The following CFAP91 variants were observed in gnomAD, a reference collection of about 807,000 sequenced individuals.
The protein encoded by CFAP91 is cilia- and flagella-associated protein 91.
A neutral mutation model predicts 95.9 loss-of-function variants in CFAP91; 85 were observed. That is an observed-to-expected ratio of 0.89 (90% confidence interval 0.74 to 1.06). The LOEUF is 1.06. Among genes scored for constraint, CFAP91 ranks in the 50% least tolerant of loss-of-function variants. The pLI is 0.00. For missense variants in CFAP91, 962 were observed against 943.4 expected (o/e 1.02, Z -0.26); for synonymous variants, 335 against 327.5 (o/e 1.02, Z -0.25).
At chr3:119,711,991 G>A (rs1408083228) in intron 5 of CFAP91, among the ~76,000 whole-genome samples, 3 of 152,236 alleles carry the variant, frequency 2.0e-5, no homozygotes, top group Non-Finnish European at 2.9e-5. Flanking sequence ...AGTGGTGGAG[G>A]AGGAAAGGGC....
At chr3:119,748,809 T>G (rs924837585) in intron 16 of CFAP91, among the ~76,000 whole-genome samples, 1 of 152,218 alleles carries the variant, frequency 6.6e-6, no homozygotes. Context: ...TAACAGTGCT[T>G]CAATCAATAT....
chr3:119,760,329 A>G (rs141603815), intron 17 of CFAP91, among the ~76,000 whole-genome samples: 14 of 151,906 alleles, frequency 9.2e-5, no homozygotes, highest in Non-Finnish European at 2.1e-4. Context: ...ATTCATCAAG[A>G]GGCTTTAACA....
At chr3:119,749,528 A>G (rs920330223) in intron 16 of CFAP91, among the ~76,000 whole-genome samples, 1 of 152,134 alleles carries the variant, frequency 6.6e-6, no homozygotes, top group African/African-American at 2.4e-5. Flanking sequence ...GTCTAAAAAA[A>G]AAAAGAAAAT....
chr3:119,733,642 C>A, intron 10 of CFAP91, 136 bp downstream of exon 10: 1 of 865,576 alleles, frequency 1.2e-6, no homozygotes, highest in Non-Finnish European at 1.8e-6. Context: ...TCTGAGGTTG[C>A]CCATGCTGTG....
At chr3:119,731,853 T>C (rs2053904257) in intron 8 of CFAP91, among the ~76,000 whole-genome samples, 1 of 152,240 alleles carries the variant, frequency 6.6e-6, no homozygotes, top group African/African-American at 2.4e-5. Flanking sequence ...GCTGAGACAG[T>C]CTTTGGTTTA....
At chr3:119,762,744 T>C (rs190706738) in intron 17 of CFAP91, among the ~76,000 whole-genome samples, 1 of 152,200 alleles carries the variant, frequency 6.6e-6, no homozygotes, top group East Asian at 1.9e-4. Context: ...CAATAAATGA[T>C]GCTGAGAAAA....
At position 119,733,371 on chromosome 3, in the gene CFAP91, G is replaced by C; in HGVS notation, c.1209G>C (p.Val403=). The C allele has an allele frequency of 6.2e-7, 1 of 1,613,934 alleles. No individual in the cohort carries two copies. The highest frequency in any genetic ancestry group is 8.5e-7 in the Non-Finnish European group (1 of 1,179,918). ...NYYLNTYEGL[V]ELESCLPDFV... is the part of the protein sequence containing the mutation. ...TGTGCTTCCTTCCCATAGGATTAGT[G>C]GAACTTGAGTCATGTCTCCCAGATT... Residue 403 remains valine, a synonymous_variant, in exon 10 of 18, where the codon GTG becomes GTC. Transcript: ENST00000273390.
chr3:119,715,448 A>G (rs2053555939), intron 5 of CFAP91, 114 bp from the exon 6 acceptor site: 3 of 900,522 alleles, frequency 3.3e-6, no homozygotes, highest in Non-Finnish European at 5.5e-6. Context: ...ACCTGTCAAC[A>G]TTTAAAAGAG....
intron 1 of CFAP91, among the ~76,000 whole-genome samples, chr3:119,705,119 G>C (rs1211038979): frequency 6.6e-6 from 1 of 152,238 alleles, no homozygotes; most frequent in Non-Finnish European, 1.5e-5. Flanking sequence ...AGCCTCTTGT[G>C]TATGGATTTC....
chr3:119,733,755 A>G (rs999849192), intron 10 of CFAP91, among the ~76,000 whole-genome samples: 10 of 152,038 alleles, frequency 6.6e-5, no homozygotes, highest in African/African-American at 2.4e-4. Flanking sequence ...AGCGTTTTCC[A>G]CTTGGATCTC....
chr3:119,750,992 C>G lies in CFAP91; in HGVS notation c.2199C>G (p.Tyr733Ter), dbSNP rs768429115. The G allele has an allele frequency of 1.2e-6, 2 of 1,613,830 alleles. No individual in the cohort carries two copies. The highest frequency in any genetic ancestry group is 1.7e-6 in the Non-Finnish European group (2 of 1,179,904). The change falls in exon 17 of 18, where the codon TAC becomes TAG. Residue 733 changes from tyrosine (Y) to a stop codon, truncating the protein, a stop_gained. Transcript: ENST00000273390. LOFTEE classifies it high-confidence loss of function. ...ILAAHQIIHS[Y>*]TESMVQKKLT... Reference sequence around the variant, plus strand: ...CAGCCCATCAGATCATCCACAGTTACACGGAAAGCATGGTTCAAAAGAAAT... The same window carrying G: ...CAGCCCATCAGATCATCCACAGTTAGACGGAAAGCATGGTTCAAAAGAAAT...
chr3:119,757,144 A>C (rs1195801623), intron 17 of CFAP91, among the ~76,000 whole-genome samples: 2 of 152,226 alleles, frequency 1.3e-5, no homozygotes, highest in Non-Finnish European at 2.9e-5. Flanking sequence ...ATTAGAGAAA[A>C]AGAGGGACAT....
At chr3:119,752,558 A>G (rs1195538648) in intron 17 of CFAP91, among the ~76,000 whole-genome samples, 1 of 152,210 alleles carries the variant, frequency 6.6e-6, no homozygotes, top group African/African-American at 2.4e-5. Context: ...TCAAGGACCA[A>G]AGCATTTGGC....
chr3:119,734,895 T>A (rs1031164820), intron 10 of CFAP91, among the ~76,000 whole-genome samples: 2 of 152,222 alleles, frequency 1.3e-5, no homozygotes, highest in Admixed American at 6.5e-5. Flanking sequence ...TATAAAATTA[T>A]CTGGGACAAA....
chr3:119,726,467 G>C (rs1308620167), intron 7 of CFAP91, 119 bp downstream of exon 7: 1 of 960,664 alleles, frequency 1.0e-6, no homozygotes, highest in African/African-American at 1.7e-5. Context: ...AACCTATAGA[G>C]ATAGGAAATT....
chr3:119,707,722 G>T, intron 3 of CFAP91, among the ~76,000 whole-genome samples, 161 bp downstream of exon 3: 1 of 124,142 alleles, frequency 8.1e-6, no homozygotes, highest in Non-Finnish European at 1.7e-5. Context: ...ATTATATATT[G>T]TATATATGAG....
chr3:119,712,765 G>A (rs1343530581), intron 5 of CFAP91, among the ~76,000 whole-genome samples: 1 of 151,766 alleles, frequency 6.6e-6, no homozygotes, highest in African/African-American at 2.4e-5. Flanking sequence ...GACCAGCCTG[G>A]CCAACATGAT....
chr3:119,745,867 G>A (rs534720116), intron 14 of CFAP91, among the ~76,000 whole-genome samples: 13 of 152,200 alleles, frequency 8.5e-5, no homozygotes, highest in Non-Finnish European at 1.9e-4. Flanking sequence ...ACACATAGGT[G>A]TACAGTATCA....
At chr3:119,737,088 G>A (rs1003588503) in intron 10 of CFAP91, among the ~76,000 whole-genome samples, 2 of 152,096 alleles carry the variant, frequency 1.3e-5, no homozygotes, top group Non-Finnish European at 2.9e-5. Flanking sequence ...ATCATAGCAC[G>A]TCTTGAGAGA....
Sources: allele counts gnomAD v4.1 joint callset (sites outside exome capture counted in the v4.1 genomes callset), GRCh38; gene constraint gnomAD v4.1.1; transcripts MANE v1.5; gene names NCBI Gene and HGNC (gene_info 2026-07-23, HGNC 2026-07-21).